Variants in WDPCP observed in about 807,000 individuals in gnomAD.
WDPCP encodes the protein WD repeat-containing and planar cell polarity effector protein fritz homolog.
Under a neutral mutation model 93.1 loss-of-function variants are expected in WDPCP, and 71 were observed. The ratio of observed to expected loss-of-function variants is 0.76; its 90% CI spans 0.63 to 0.93. WDPCP has a LOEUF of 0.93. WDPCP is among the 40% of genes least tolerant of loss of function. The pLI is 0.00. For synonymous variants in WDPCP, 315 were observed against 315.0 expected (o/e 1.00, Z 0.00); for missense variants, 844 against 887.4 (o/e 0.95, Z 0.62).
chr2:63,411,971 TCCTTTTGATACTAC>T (rs1225687050), intron 9 of WDPCP, among the ~76,000 whole-genome samples: 1 of 151,998 alleles, frequency 6.6e-6, no homozygotes, highest in Non-Finnish European at 1.5e-5. Context: ...TTGGTACCAA[TCCTTTTGATACTAC>T]TCCACAAGAT....
intron 12 of WDPCP, among the ~76,000 whole-genome samples, chr2:63,377,395 TTCC>T (rs1691930301): frequency 6.6e-6 from 1 of 151,570 alleles, no homozygotes; most frequent in Non-Finnish European, 1.5e-5. Flanking sequence ...TTCTGTTACT[TTCC>T]ATTGTATAAC....
At chr2:63,648,591 T>G (rs1166530713) in intron 3 of WDPCP, among the ~76,000 whole-genome samples, 1 of 152,204 alleles carries the variant, frequency 6.6e-6, no homozygotes, top group East Asian at 1.9e-4. Context: ...AGTTTTGTCT[T>G]TTTCAGAATG....
chr2:63,171,236 C>A (rs1032745247), intron 15 of WDPCP, among the ~76,000 whole-genome samples: 2 of 152,142 alleles, frequency 1.3e-5, no homozygotes, highest in Admixed American at 6.5e-5. Context: ...AACTTTTGCA[C>A]TTCAAAAGAC....
intron 3 of WDPCP, among the ~76,000 whole-genome samples, chr2:63,633,931 G>A (rs1032855331): frequency 6.6e-6 from 1 of 152,016 alleles, no homozygotes; most frequent in Admixed American, 6.5e-5. Context: ...ATATGGTGGT[G>A]CATGCCTGTA....
In WDPCP at chr2:63,769,572, A is replaced by G. The variant is rs150515901; in HGVS notation, n.308+44050T>C. Among the ~76,000 whole-genome samples, 15 of 152,046 alleles carry G rather than the reference A, an allele frequency of 9.9e-5. No homozygotes were observed. The East Asian group carries it at 2.9e-3, about 29-fold the overall frequency. The stretch of plus-strand genomic sequence containing the variant: ...TGTATTGGCCTCGTGAGGTTTTGGT[A>G]CCAGGTTATGTGGTCTCATTAAACA... On this transcript the variant is annotated intron_variant and non_coding_transcript_variant, in intron 2 of 4. Coordinates refer to the WDPCP transcript ENST00000467687.
At chr2:63,521,339 C>T (rs1451169800) in intron 1 of WDPCP, among the ~76,000 whole-genome samples, 1 of 152,102 alleles carries the variant, frequency 6.6e-6, no homozygotes, top group South Asian at 2.1e-4. Flanking sequence ...GACCCATAAG[C>T]TCAAAGTAAA....
chr2:63,584,737 T>C (rs551980576), intron 1 of WDPCP, among the ~76,000 whole-genome samples: 1 of 152,286 alleles, frequency 6.6e-6, no homozygotes, highest in Admixed American at 6.5e-5. Flanking sequence ...CACTCTGTGT[T>C]ATTAGCCTCA....
intron 15 of WDPCP, among the ~76,000 whole-genome samples, chr2:63,170,700 C>A (rs1449019753): frequency 6.6e-6 from 1 of 152,064 alleles, no homozygotes; most frequent in Admixed American, 6.6e-5. Flanking sequence ...GGATAATTTT[C>A]CTTAACTGAT....
At chr2:63,634,838 G>A (rs527934923) in intron 3 of WDPCP, among the ~76,000 whole-genome samples, 17 of 151,932 alleles carry the variant, frequency 1.1e-4, no homozygotes, top group Admixed American at 3.3e-4. Flanking sequence ...ACTAAAAAAG[G>A]ATAAACTAAG....
At chr2:63,152,856 C>T in intron 17 of WDPCP, 58 bp downstream of exon 17, 3 of 1,510,632 alleles carry the variant, frequency 2.0e-6, no homozygotes, top group Non-Finnish European at 1.8e-6. Context: ...TAATCACATA[C>T]ATTATGCTTT....
intron 1 of WDPCP, among the ~76,000 whole-genome samples, chr2:63,565,239 T>A (rs1334407512): frequency 6.6e-6 from 1 of 152,248 alleles, no homozygotes; most frequent in Non-Finnish European, 1.5e-5. Flanking sequence ...TGCAGGATAT[T>A]GTTTTAAGAC....
intron 3 of WDPCP, among the ~76,000 whole-genome samples, chr2:63,612,321 G>A (rs1709622948): frequency 6.6e-6 from 1 of 152,126 alleles, no homozygotes; most frequent in African/African-American, 2.4e-5. Flanking sequence ...GAAAGCACAT[G>A]GTAAGGGCTC....
chr2:63,260,844 C>T (rs904067289), intron 13 of WDPCP, among the ~76,000 whole-genome samples: 4 of 152,146 alleles, frequency 2.6e-5, no homozygotes, highest in African/African-American at 7.2e-5. Context: ...CACCAGCACC[C>T]GGCCGGTAAA....
intron 10 of WDPCP, among the ~76,000 whole-genome samples, chr2:63,387,431 T>A (rs1281799295): frequency 6.6e-6 from 1 of 151,326 alleles, no homozygotes; most frequent in Non-Finnish European, 1.5e-5. Flanking sequence ...AAATCCAACA[T>A]CGCTTCATGT....
At chr2:63,311,499 A>G (rs1299537146) in intron 13 of WDPCP, among the ~76,000 whole-genome samples, 1 of 152,224 alleles carries the variant, frequency 6.6e-6, no homozygotes, top group Non-Finnish European at 1.5e-5. Context: ...TGGGCTATCA[A>G]TAAAGTTATG....
chr2:63,259,805 G>C (rs560881083), intron 13 of WDPCP, among the ~76,000 whole-genome samples: 60 of 152,252 alleles, frequency 3.9e-4, no homozygotes, highest in African/African-American at 1.4e-3. Context: ...CAGATTTGTT[G>C]CTGCATATGG....
At chr2:63,328,209 C>CTCTCTGTAAAATGGACCAATCAGT (rs1687709960) in intron 12 of WDPCP, among the ~76,000 whole-genome samples, 1 of 152,006 alleles carries the variant, frequency 6.6e-6, no homozygotes. Flanking sequence ...GACCCGTCAG[C>CTCTCTGTAAAATGGACCAATCAGT]TCTCTGTAAA....
At chr2:63,445,486 T>C (rs1339714188) in intron 6 of WDPCP, among the ~76,000 whole-genome samples, 1 of 152,226 alleles carries the variant, frequency 6.6e-6, no homozygotes, top group Non-Finnish European at 1.5e-5. Flanking sequence ...ATCCCTAATG[T>C]AACTTTAAAA....
chr2:63,646,994 C>A (rs1213786350), intron 3 of WDPCP, among the ~76,000 whole-genome samples: 1 of 152,140 alleles, frequency 6.6e-6, no homozygotes. Context: ...AATAAACTTT[C>A]TACTCCTATC....
Sources: allele counts gnomAD v4.1 joint callset (sites outside exome capture counted in the v4.1 genomes callset), GRCh38; gene constraint gnomAD v4.1.1; transcripts MANE v1.5; gene names NCBI Gene and HGNC (gene_info 2026-07-23, HGNC 2026-07-21).